The following ARMC5 variants were observed in gnomAD, a reference collection of about 807,000 sequenced individuals.
The protein encoded by ARMC5 is armadillo repeat-containing protein 5.
ARMC5 carries 28 observed loss-of-function variants against 60.5 expected under a neutral mutation model. The observed-to-expected ratio is 0.46, with a 90% CI of 0.34 to 0.63. The LOEUF is 0.63. Ranked by LOEUF, ARMC5 falls within the 30% of genes least tolerant of loss-of-function variation. The pLI is 0.01. For missense variants in ARMC5, 1,189 were observed against 1,304.9 expected (o/e 0.91, Z 1.37); for synonymous variants, 680 against 607.3 (o/e 1.12, Z -1.76).
intron 3 of ARMC5, among the ~76,000 whole-genome samples, chr16:31,463,567 C>A (rs1256456129): frequency 6.6e-6 from 1 of 152,092 alleles, no homozygotes; most frequent in East Asian, 1.9e-4. Flanking sequence ...AGCTGAGGAA[C>A]TCTTTATTTT....
chr16:31,460,210 C>A, intron 1 of ARMC5: 2 of 544,294 alleles, frequency 3.7e-6, no homozygotes, highest in African/African-American at 2.0e-5. Flanking sequence ...TAATTGTAGC[C>A]ATTATCTAGG....
Position 31,466,152 on chromosome 16 carries a change from C to T in ARMC5, c.2071C>T (p.Pro691Ser). 6.2e-7 allele frequency: 1 copy of T among 1,607,670 alleles called. No individual in the cohort carries two copies. The highest frequency in any genetic ancestry group is 1.1e-5 in the South Asian group (1 of 91,074). ...GCTCCTCCTTGCGGCGCTGACCCGG[C>T]CGGCCCCACACCCGCTCTTCCTCTT... ...LRLLLAALTR[P>S]APHPLFLFFA... is the part of the protein sequence containing the mutation. The change falls in exon 6 of 6, where the codon CCG becomes TCG. Residue 691 changes from proline to serine, a missense_variant. Pro to Ser is a moderately conservative substitution (Grantham distance 74, BLOSUM62 -1). Coordinates refer to ENST00000268314, the MANE Select transcript of ARMC5 (RefSeq NM_001105247.2). This position sits in a 1 kb window ranked among gnomAD's most constrained non-coding sequence, Gnocchi z 8.0.
upstream of ARMC5, chr16:31,458,731 G>A: frequency 8.8e-6 from 13 of 1,472,826 alleles, no homozygotes; most frequent in Non-Finnish European, 1.2e-5. Context: ...ATCCAGGGGT[G>A]ACCTGGGGGC....
At chr16:31,465,279 G>T in intron 4 of ARMC5, 1 of 1,499,984 alleles carries the variant, frequency 6.7e-7, no homozygotes, top group Non-Finnish European at 8.9e-7. Flanking sequence ...TGCCCTGTCT[G>T]CTGTGCCCTG....
In ARMC5 at chr16:31,466,049, A is replaced by G; in HGVS notation, c.1998-30A>G. 2 of 1,588,398 alleles carry G rather than the reference A, an allele frequency of 1.3e-6. No homozygotes were observed. The highest frequency in any genetic ancestry group is 1.7e-6 in the Non-Finnish European group (2 of 1,174,610). On this transcript the variant is annotated intron_variant, in intron 5 of 5. Transcript: ENST00000268314. The surrounding 1 kb of genome is among the most constrained non-coding windows in gnomAD (Gnocchi z 8.0). ...GCTGTGTTTCCCAGGCCCGTTGCCC[A>G]CCTTTTGAAAGGCCCTCTCTTCCCT...
At position 31,466,449 on chromosome 16, in the gene ARMC5, G is replaced by A; in HGVS notation, c.2368G>A (p.Val790Met). 2.5e-6 allele frequency: 4 copies of A among 1,611,834 alleles called. No individual in the cohort carries two copies. Among genetic ancestry groups the A allele is most frequent in the Non-Finnish European group, 3.4e-6 (4 of 1,179,850 alleles). ...CTTTGCAGAAGCCCAGATGGACCTG[G>A]TGCCCCTGCGAGGTCTGTCGCCTGG... ...GSFAEAQMDL[V>M]PLRGLSPGAA... is the part of the protein sequence containing the mutation. Residue 790 changes from valine to methionine, a missense_variant, in exon 6 of 6, where the codon GTG becomes ATG. This residue lies in a region of ARMC5 where 862 missense variants were observed against 1,071.2 expected (regional missense o/e 0.80). Transcript: ENST00000268314. The surrounding 1 kb of genome is among the most constrained non-coding windows in gnomAD (Gnocchi z 8.0).
chr16:31,464,289 C>CT lies in ARMC5; in HGVS notation c.1371-102dup, dbSNP rs1439939371. On this transcript the variant is annotated intron_variant, in intron 3 of 5. Transcript: ENST00000268314. The surrounding 1 kb of genome is among the most constrained non-coding windows in gnomAD (Gnocchi z 7.6). Reference sequence around the variant, plus strand: ...TGGGCTATAGAGGGATACCACATTTCTTTAAAAAAAAAAAAAAAAAAAAAA... The same window carrying CT: ...TGGGCTATAGAGGGATACCACATTTCTTTTAAAAAAAAAAAAAAAAAAAAAA... 16 of 882,430 alleles carry CT rather than the reference C, an allele frequency of 1.8e-5. No homozygotes were observed. The African/African-American group carries it at 2.6e-4, about 14-fold the overall frequency. The allele number at this position is 882,430 out of a possible 1,614,324, so 54.7% of individuals were successfully genotyped here.
In ARMC5 at chr16:31,465,861, C is replaced by T. The variant is rs749375354; in HGVS notation, c.1876C>T (p.Leu626=). The T allele has an allele frequency of 4.3e-6, 7 of 1,609,522 alleles. No individual in the cohort carries two copies. The highest frequency in any genetic ancestry group is 5.9e-6 in the Non-Finnish European group (7 of 1,179,842). The stretch of plus-strand genomic sequence containing the variant: ...CTTTCCACTCACAGGGGAGAGGCTA[C>T]TGCAGAACCTGACGGTTCAGGCTGA... ...SRHRELGERL[L]QNLTVQAESP... is the part of the protein sequence containing the mutation. Residue 626 remains leucine (L), a synonymous_variant, in exon 5 of 6, where the codon CTG becomes TTG. Coordinates refer to ENST00000268314, the MANE Select transcript of ARMC5 (RefSeq NM_001105247.2).
Position 31,462,087 on chromosome 16 carries a change from G to A in ARMC5, c.584-44G>A, listed in dbSNP as rs755545267. 8.7e-6 allele frequency: 14 copies of A among 1,613,300 alleles called. No individual in the cohort carries two copies. Among genetic ancestry groups the A allele is most frequent in the South Asian group, 2.2e-5 (2 of 91,062 alleles). ...CTTGGGGCAGAAGAAAGGCTTGAGT[G>A]TCTGTCCTTGTTCACCCTCTGTGCT... On this transcript the variant is annotated intron_variant, in intron 2 of 5. Coordinates refer to ENST00000268314, the MANE Select transcript of ARMC5 (RefSeq NM_001105247.2). The surrounding 1 kb of genome is among the most constrained non-coding windows in gnomAD (Gnocchi z 7.2).
At chr16:31,459,418 CGCTAAACAGCGTCAGCGAGGCGGT>C, upstream of ARMC5, 7 of 1,538,988 alleles carry the variant, frequency 4.5e-6, no homozygotes, top group Non-Finnish European at 4.4e-6. Flanking sequence ...ACTGCGGTGG[CGCTAAACAGCGTCAGCGAGGCGGT>C]GCCCGACGAT....
intron 3 of ARMC5, among the ~76,000 whole-genome samples, chr16:31,463,551 C>T (rs1181266622): frequency 2.0e-5 from 3 of 152,114 alleles, no homozygotes; most frequent in African/African-American, 7.2e-5. Flanking sequence ...TGAAGCATCA[C>T]AGGAAAGCTG....
intron 4 of ARMC5, chr16:31,465,541 G>T: frequency 2.1e-6 from 2 of 969,440 alleles, no homozygotes; most frequent in Non-Finnish European, 2.8e-6. Context: ...ATCTATATCT[G>T]GTATAACTAT....
intron 3 of ARMC5, among the ~76,000 whole-genome samples, chr16:31,463,155 G>A (rs1252322519): frequency 1.3e-5 from 2 of 151,732 alleles, no homozygotes; most frequent in African/African-American, 4.8e-5. Flanking sequence ...CTGGAATGCA[G>A]TGGTGCCATC....
Position 31,462,406 on chromosome 16 carries a change from G to C in ARMC5, c.859G>C (p.Val287Leu). ...LSLGGGLGPLVSLASHPKRAV... is the reference protein window; with the variant it reads ...LSLGGGLGPLLSLASHPKRAV... ...TCTGGGTGGGGGATTGGGCCCACTC[G>C]TCAGCCTGGCTTCCCACCCCAAGCG... Residue 287 changes from valine (V) to leucine (L), a missense_variant, in exon 3 of 6, where the codon GTC becomes CTC. Val to Leu is a conservative substitution (Grantham distance 32). Coordinates refer to ENST00000268314, the MANE Select transcript of ARMC5 (RefSeq NM_001105247.2). The surrounding 1 kb of genome is among the most constrained non-coding windows in gnomAD (Gnocchi z 7.2). The C allele has an allele frequency of 6.2e-7, 1 of 1,610,292 alleles. No individual in the cohort carries two copies. Among genetic ancestry groups the C allele is most frequent in the Non-Finnish European group, 8.5e-7 (1 of 1,177,738 alleles).
chr16:31,458,629 C>T, upstream of ARMC5: 2 of 1,444,744 alleles, frequency 1.4e-6, no homozygotes, highest in African/African-American at 2.8e-5. Flanking sequence ...GCAAAGGCTT[C>T]TTCCTCCCCA....
Position 31,466,546 on chromosome 16 carries a change from C to G in ARMC5, c.2465C>G (p.Pro822Arg), listed in dbSNP as rs541808983. 6.2e-7 allele frequency: 1 copy of G among 1,608,418 alleles called. No individual in the cohort carries two copies. Among genetic ancestry groups the G allele is most frequent in the South Asian group, 1.1e-5 (1 of 90,996 alleles). Residue 822 changes from proline (P) to arginine (R), a missense_variant, in exon 6 of 6, where the codon CCA becomes CGA. This residue lies in a region of ARMC5 where 862 missense variants were observed against 1,071.2 expected (regional missense o/e 0.80). Coordinates refer to ENST00000268314, the MANE Select transcript of ARMC5 (RefSeq NM_001105247.2). The surrounding 1 kb of genome is among the most constrained non-coding windows in gnomAD (Gnocchi z 8.0). ...GGGGCTGCCCTGGGGCCCGTGCCCC[C>G]ACCAGGCCAGCCCCTGCTGGGTTCA... Reference protein sequence around the residue: ...GCGAALGPVPPPGQPLLGSEA... With the variant: ...GCGAALGPVPRPGQPLLGSEA...
Position 31,459,991 on chromosome 16 carries a change from T to C in ARMC5, c.467T>C (p.Leu156Pro), listed in dbSNP as rs1002622442. Reference sequence around the variant, plus strand: ...GAAGTGCGCAGACTCGGAGGCATACTCCCTTTGGGTAAGTGCTCCGCCCCC... The same window carrying C: ...GAAGTGCGCAGACTCGGAGGCATACCCCCTTTGGGTAAGTGCTCCGCCCCC... ...RTEVRRLGGI[L>P]PLVTILQCMK... The change falls in exon 1 of 6, where the codon CTC (leucine) becomes CCC (proline). Residue 156 changes from leucine (L) to proline (P), a missense_variant. By Grantham distance (98) the Leu-to-Pro change is moderately conservative (BLOSUM62 -3). Around this residue, in one of 2 missense-constraint regions of ARMC5, gnomAD observed 327 missense variants for 233.7 expected, o/e 1.40. Coordinates refer to ENST00000268314, the MANE Select transcript of ARMC5 (RefSeq NM_001105247.2). 2 of 1,596,342 alleles carry C rather than the reference T, an allele frequency of 1.3e-6. No homozygotes were observed. Among genetic ancestry groups the C allele is most frequent in the East Asian group, 2.3e-5 (1 of 44,390 alleles).
At position 31,465,945 on chromosome 16, in the gene ARMC5, C is replaced by T. The variant is rs1379678857; in HGVS notation, c.1960C>T (p.Arg654Ter). 2 of 1,606,830 alleles carry T rather than the reference C, an allele frequency of 1.2e-6. No homozygotes were observed. Among genetic ancestry groups the T allele is most frequent in the Non-Finnish European group, 8.5e-7 (1 of 1,179,782 alleles). The change falls in exon 5 of 6, where the codon CGA (arginine) becomes TGA (stop). Residue 654 changes from arginine (R) to a stop codon, truncating the protein, a stop_gained. Transcript: ENST00000268314. LOFTEE classifies it high-confidence loss of function. ...GCTGCTCTCTGGGAGCCCTGAGGACCGAGTGGCCTGCGCGCTGACCCTGCC... is the reference window on the plus strand; with the variant it reads ...GCTGCTCTCTGGGAGCCCTGAGGACTGAGTGGCCTGCGCGCTGACCCTGCC... The part of the protein sequence containing the change: ...HLLLSGSPED[R>*]VACALTLPFI...
upstream of ARMC5, chr16:31,458,642 G>C (rs2082267859): frequency 1.4e-6 from 2 of 1,436,982 alleles, no homozygotes; most frequent in Middle Eastern, 2.0e-4. Context: ...CCTCCCCAGG[G>C]CTAGAGCCTG....
Sources: allele counts gnomAD v4.1 joint callset (sites outside exome capture counted in the v4.1 genomes callset), GRCh38; gene constraint gnomAD v4.1.1; regional missense constraint gnomAD v4.1.1; non-coding constraint Gnocchi (gnomAD v3.1); transcripts MANE v1.5; gene names NCBI Gene and HGNC (gene_info 2026-07-23, HGNC 2026-07-21).